The following ABCA13 variants were observed in gnomAD, a reference collection of about 807,000 sequenced individuals.
ABCA13 encodes the protein ATP-binding cassette sub-family A member 13.
Under a neutral mutation model 478.7 loss-of-function variants are expected in ABCA13, and 476 were observed. The ratio of observed to expected loss-of-function variants is 0.99; its 90% CI spans 0.92 to 1.07. ABCA13 has a LOEUF of 1.07. ABCA13 is among the 50% of genes least tolerant of loss of function. The probability of loss-of-function intolerance (pLI) is 0.00; values close to 1 mark genes in which losing one functional copy is unlikely to be tolerated. For missense variants in ABCA13, 6,060 were observed against 5,910.6 expected, an observed-to-expected ratio of 1.03 and a Z score of -0.83; for synonymous variants, 2,252 against 2,158.9, an observed-to-expected ratio of 1.04 and a Z score of -1.20.
At chr7:48,388,028 G>A (rs1350145007) in intron 36 of ABCA13, 69 bp downstream of exon 36, 1 of 1,512,026 alleles carries the variant, frequency 6.6e-7, no homozygotes, top group Non-Finnish European at 9.0e-7. Flanking sequence ...TTTTTTGTTT[G>A]TTTTTATGGT....
chr7:48,393,052 G>A (rs1816303052), intron 38 of ABCA13, among the ~76,000 whole-genome samples: 1 of 152,176 alleles, frequency 6.6e-6, no homozygotes, highest in South Asian at 2.1e-4. Context: ...CAAAATCCAG[G>A]CAGTGTGCCC....
intron 1 of ABCA13, among the ~76,000 whole-genome samples, chr7:48,179,445 A>G (rs1402683803): frequency 2.0e-5 from 3 of 152,126 alleles, no homozygotes; most frequent in Non-Finnish European, 4.4e-5. Context: ...GCTGTCAGCT[A>G]AGCCAGAGAG....
intron 31 of ABCA13, among the ~76,000 whole-genome samples, chr7:48,354,403 A>G (rs1015430848): frequency 6.6e-6 from 1 of 152,066 alleles, no homozygotes; most frequent in Admixed American, 6.5e-5. Flanking sequence ...ATGGAAATCC[A>G]GAAATGGCCT....
At chr7:48,336,587 G>C (rs1433978906) in intron 28 of ABCA13, among the ~76,000 whole-genome samples, 1 of 152,176 alleles carries the variant, frequency 6.6e-6, no homozygotes, top group Non-Finnish European at 1.5e-5. Flanking sequence ...CATGTCAGTG[G>C]AGTCCTGTGG....
intron 1 of ABCA13, among the ~76,000 whole-genome samples, chr7:48,191,342 A>C (rs570878029): frequency 6.6e-6 from 1 of 152,344 alleles, no homozygotes; most frequent in East Asian, 1.9e-4. Flanking sequence ...CTTTTTAATC[A>C]TGATGCACTT....
At chr7:48,204,742 A>G (rs1298909784) in intron 3 of ABCA13, among the ~76,000 whole-genome samples, 1 of 152,046 alleles carries the variant, frequency 6.6e-6, no homozygotes, top group Non-Finnish European at 1.5e-5. Flanking sequence ...CCTCTTCTAT[A>G]TGCAGTCAGC....
At chr7:48,192,269 T>C (rs1797207343) in intron 1 of ABCA13, among the ~76,000 whole-genome samples, 1 of 152,170 alleles carries the variant, frequency 6.6e-6, no homozygotes, top group South Asian at 2.1e-4. Context: ...CTTTTAACTT[T>C]GAAAATTTGA....
At chr7:48,606,347 T>C (rs1296997168) in intron 58 of ABCA13, among the ~76,000 whole-genome samples, 2 of 152,204 alleles carry the variant, frequency 1.3e-5, no homozygotes, top group East Asian at 3.9e-4. Context: ...CCCATCTTCA[T>C]GGATTTATCT....
At chr7:48,365,836 G>A (rs933265174) in intron 31 of ABCA13, among the ~76,000 whole-genome samples, 1 of 152,134 alleles carries the variant, frequency 6.6e-6, no homozygotes, top group Non-Finnish European at 1.5e-5. Flanking sequence ...AAATGTTGAT[G>A]TGATGTGAGA....
chr7:48,327,217 C>T (rs1021602131), intron 27 of ABCA13, among the ~76,000 whole-genome samples: 2 of 152,126 alleles, frequency 1.3e-5, no homozygotes, highest in Admixed American at 1.3e-4. Context: ...AGGAAACTTA[C>T]AATCATATTG....
chr7:48,480,503 G>T (rs540297188), intron 45 of ABCA13, among the ~76,000 whole-genome samples: 1 of 152,218 alleles, frequency 6.6e-6, no homozygotes, highest in East Asian at 1.9e-4. Context: ...ACATCATTGC[G>T]CAGCCTCCAG....
chr7:48,626,452 G>A, intron 59 of ABCA13: 1 of 217,964 alleles, frequency 4.6e-6, no homozygotes, highest in Non-Finnish European at 7.8e-6. Context: ...GAATCATGCG[G>A]CATAAACTTG....
intron 28 of ABCA13, 76 bp downstream of exon 28, chr7:48,335,611 T>C (rs1006290112): frequency 3.6e-6 from 4 of 1,120,990 alleles, no homozygotes; most frequent in South Asian, 1.5e-5. Context: ...GGCTGCCCTG[T>C]AGAAGATTCT....
chr7:48,229,706 G>A, intron 6 of ABCA13, 119 bp from the exon 7 acceptor site: 1 of 1,193,940 alleles, frequency 8.4e-7, no homozygotes, highest in Non-Finnish European at 1.2e-6. Flanking sequence ...AAATGGTCCA[G>A]CCACATCTTG....
intron 38 of ABCA13, among the ~76,000 whole-genome samples, chr7:48,396,764 C>T (rs1246122225): frequency 3.9e-5 from 6 of 152,138 alleles, no homozygotes; most frequent in South Asian, 2.1e-4. Flanking sequence ...AATGCACTCT[C>T]GGAACTTGGC....
chr7:48,174,764 A>G (rs937751361), intron 1 of ABCA13, among the ~76,000 whole-genome samples: 2 of 152,216 alleles, frequency 1.3e-5, no homozygotes, highest in Non-Finnish European at 2.9e-5. Flanking sequence ...TTACGTAATT[A>G]AAGTCATAGC....
chr7:48,391,893 C>G, intron 37 of ABCA13, 28 bp from the exon 38 acceptor site: 3 of 1,604,204 alleles, frequency 1.9e-6, no homozygotes, highest in Non-Finnish European at 2.6e-6. Flanking sequence ...AACGCGTATT[C>G]TCCATGCTGT....
chr7:48,396,798 C>T (rs1407062851), intron 38 of ABCA13, among the ~76,000 whole-genome samples: 2 of 152,200 alleles, frequency 1.3e-5, no homozygotes, highest in African/African-American at 2.4e-5. Flanking sequence ...GTGTCACTAG[C>T]AACCCACAGT....
chr7:48,371,962 T>C (rs1812699112), intron 32 of ABCA13, among the ~76,000 whole-genome samples: 1 of 152,122 alleles, frequency 6.6e-6, no homozygotes, highest in East Asian at 1.9e-4. Flanking sequence ...TTTAATTTAA[T>C]TTTAAGTTCC....
Sources: allele counts gnomAD v4.1 joint callset (sites outside exome capture counted in the v4.1 genomes callset), GRCh38; gene constraint gnomAD v4.1.1; transcripts MANE v1.5; gene names NCBI Gene and HGNC (gene_info 2026-07-23, HGNC 2026-07-21).